ZBTB44: variants seen among roughly 807,000 people sequenced by gnomAD.
ZBTB44 encodes the protein zinc finger and BTB domain-containing protein 44.
A neutral mutation model predicts 54.0 loss-of-function variants in ZBTB44; 15 were observed. That is an observed-to-expected ratio of 0.28 (90% confidence interval 0.19 to 0.43). ZBTB44 has a LOEUF of 0.43. Ranked by LOEUF, ZBTB44 falls within the 20% of genes least tolerant of loss-of-function variation. The pLI is 1.00. For missense variants in ZBTB44, 487 were observed against 707.1 expected, an observed-to-expected ratio of 0.69 and a Z score of 3.53; for synonymous variants, 230 against 250.1, an observed-to-expected ratio of 0.92 and a Z score of 0.76.
At chr11:130,234,667 T>C (rs142518548) in intron 5 of ZBTB44, among the ~76,000 whole-genome samples, 75 of 152,338 alleles carry the variant, frequency 4.9e-4, no homozygotes, top group African/African-American at 1.7e-3. Flanking sequence ...GTAAGAGATA[T>C]ATAAACCTAG....
chr11:130,313,945 T>TGTGTGC (rs1942775631), intron 1 of ZBTB44, among the ~76,000 whole-genome samples: 2 of 59,308 alleles, frequency 3.4e-5, no homozygotes, highest in African/African-American at 9.6e-5. Context: ...TGTTTGTGTG[T>TGTGTGC]GTGTATATAT....
At chr11:130,307,086 T>C (rs1194615051) in intron 1 of ZBTB44, among the ~76,000 whole-genome samples, 1 of 132,948 alleles carries the variant, frequency 7.5e-6, no homozygotes, top group Non-Finnish European at 1.6e-5. Flanking sequence ...AAAAAAAAAA[T>C]TATAGTTGAA....
chr11:130,250,822 C>T (rs1937938017), intron 2 of ZBTB44, among the ~76,000 whole-genome samples: 1 of 152,156 alleles, frequency 6.6e-6, no homozygotes, highest in Non-Finnish European at 1.5e-5. Flanking sequence ...TAGATAAATC[C>T]ACGAAGATGA....
At chr11:130,294,932 G>A (rs1164620863) in intron 1 of ZBTB44, among the ~76,000 whole-genome samples, 2 of 152,124 alleles carry the variant, frequency 1.3e-5, no homozygotes, top group South Asian at 2.1e-4. Context: ...TCCCTAAAGA[G>A]TTTTTAAGCG....
rs78053970 is a variant in ZBTB44 at position 130,240,644 on chromosome 11, G to A, written c.1019-748C>T. On this transcript the variant is annotated intron_variant, in intron 2 of 7. Transcript: ENST00000357899. ...CCACACACAAGCCACACGAAAGCAC[G>A]GCCAGCATCCTGGAAGTCCCCATTC... Among the ~76,000 whole-genome samples the A allele has an allele frequency of 8.2e-4, 125 of 152,236 alleles. 1 individual carries two copies. The East Asian group carries it at 0.022, about 27-fold the overall frequency.
At chr11:130,305,156 T>C (rs1356892541) in intron 1 of ZBTB44, among the ~76,000 whole-genome samples, 2 of 152,182 alleles carry the variant, frequency 1.3e-5, no homozygotes, top group South Asian at 2.1e-4. Context: ...ATGGGTAGAA[T>C]CAATATGGTG....
At chr11:130,270,413 A>G (rs1057334774) in intron 1 of ZBTB44, among the ~76,000 whole-genome samples, 1 of 152,252 alleles carries the variant, frequency 6.6e-6, no homozygotes, top group Non-Finnish European at 1.5e-5. Context: ...ACTATGCTCC[A>G]GATAGAACAC....
Position 130,260,935 on chromosome 11 carries a change from C to T in ZBTB44, c.939G>A (p.Ser313=), listed in dbSNP as rs750289004. ...VSQPVSASQS[S]LSDQQTVPGS... is the part of the protein sequence containing the mutation. ...CTGGAACTGTCTGCTGATCACTCAG[C>T]GAACTCTGAGATGCACTGACAGGCT... is the stretch of plus-strand genomic sequence containing the variant. Residue 313 remains serine, a synonymous_variant, in exon 2 of 8, where the codon TCG becomes TCA. Coordinates refer to ENST00000357899, the MANE Select transcript of ZBTB44 (RefSeq NM_001301098.2). 2.2e-5 allele frequency: 35 copies of T among 1,613,866 alleles called. 1 individual carries two copies. The highest frequency in any genetic ancestry group is 5.5e-5 in the South Asian group (5 of 91,090).
chr11:130,289,500 A>G (rs1379945857), intron 1 of ZBTB44, among the ~76,000 whole-genome samples: 4 of 148,178 alleles, frequency 2.7e-5, no homozygotes, highest in Admixed American at 6.7e-5. Flanking sequence ...AAAAAAAAAG[A>G]TTTAGGTAAA....
chr11:130,268,321 C>T (rs1939414482), intron 1 of ZBTB44, among the ~76,000 whole-genome samples: 2 of 152,068 alleles, frequency 1.3e-5, no homozygotes, highest in Non-Finnish European at 2.9e-5. Flanking sequence ...ACTGCCACAA[C>T]TCCAATCTTC....
At chr11:130,237,147 T>G in intron 4 of ZBTB44, 54 bp from the exon 5 acceptor site, 1 of 1,409,312 alleles carries the variant, frequency 7.1e-7, no homozygotes, top group Non-Finnish European at 9.3e-7. Flanking sequence ...TGAAAAGTCA[T>G]AAACCCTACA....
At chr11:130,234,302 G>C in intron 5 of ZBTB44, 29 bp from the exon 6 acceptor site, 3 of 1,497,008 alleles carry the variant, frequency 2.0e-6, no homozygotes, top group Non-Finnish European at 2.7e-6. Context: ...ATGAAATATG[G>C]AATTAATTTT....
intron 1 of ZBTB44, among the ~76,000 whole-genome samples, chr11:130,288,494 A>T (rs559624353): frequency 1.3e-5 from 2 of 152,338 alleles, no homozygotes; most frequent in African/African-American, 4.8e-5. Context: ...TAGTGTCTTA[A>T]AACACTGCTA....
intron 2 of ZBTB44, among the ~76,000 whole-genome samples, chr11:130,259,237 T>C (rs1051084541): frequency 1.3e-5 from 2 of 152,188 alleles, no homozygotes; most frequent in Non-Finnish European, 2.9e-5. Flanking sequence ...AAATTTCATA[T>C]GGAAATTTAA....
At chr11:130,311,205 T>C (rs1942579713) in intron 1 of ZBTB44, among the ~76,000 whole-genome samples, 2 of 151,976 alleles carry the variant, frequency 1.3e-5, no homozygotes. Context: ...AGAAAGCAAA[T>C]AAGTTTATTA....
intron 1 of ZBTB44, among the ~76,000 whole-genome samples, chr11:130,312,666 AGAG>A (rs1209323809): frequency 2.6e-5 from 4 of 152,194 alleles, no homozygotes; most frequent in African/African-American, 4.8e-5. Flanking sequence ...TGCAAAAAGA[AGAG>A]GGGATGGATA....
rs371915601 is a variant in ZBTB44 at position 130,269,206 on chromosome 11, T to G, written c.-56-7277A>C. ...CGGGAGGCTGAGGCAGGTGAATCAC[T>G]TGAACCCGGGAGGTGGAGATTGCAG... On this transcript the variant is annotated intron_variant, in intron 1 of 7. Transcript: ENST00000357899. Among the ~76,000 whole-genome samples the G allele has an allele frequency of 5.3e-5, 8 of 152,162 alleles. No individual in the cohort carries two copies. In the East Asian group the frequency reaches 1.4e-3, roughly 26 times the overall value.
At chr11:130,256,441 G>A (rs551215030) in intron 2 of ZBTB44, among the ~76,000 whole-genome samples, 1 of 152,268 alleles carries the variant, frequency 6.6e-6, no homozygotes, top group East Asian at 1.9e-4. Flanking sequence ...ATTTTGGGAC[G>A]CCGAGGCAGG....
chr11:130,279,305 ATTT>A (rs1940339726), intron 1 of ZBTB44, among the ~76,000 whole-genome samples: 1 of 140,066 alleles, frequency 7.1e-6, no homozygotes, highest in Non-Finnish European at 1.5e-5. Flanking sequence ...TTCTACTGTT[ATTT>A]AAAAAAAAAA....
Sources: gnomAD v4.1 joint callset for allele counts (sites outside exome capture counted in the v4.1 genomes callset) on GRCh38, gnomAD v4.1.1 for gene constraint, MANE v1.5 for transcripts, NCBI Gene and HGNC (gene_info 2026-07-23, HGNC 2026-07-21) for gene names.